B4GALT5: variants seen among roughly 807,000 people sequenced by gnomAD.
B4GALT5 encodes beta-1,4-galactosyltransferase 5.
B4GALT5 carries 11 observed loss-of-function variants against 45.0 expected under a neutral mutation model. The ratio of observed to expected loss-of-function variants is 0.24; its 90% confidence interval spans 0.15 to 0.40. The LOEUF (loss-of-function observed/expected upper bound fraction) is 0.40, where lower values mean the gene tolerates loss of function less well. Ranked by LOEUF, B4GALT5 falls within the 10% of genes least tolerant of loss-of-function variation. B4GALT5 has a pLI of 1.00. For missense variants in B4GALT5, 337 were observed against 500.2 expected (o/e 0.67, Z 3.11); for synonymous variants, 185 against 182.9 (o/e 1.01, Z -0.09).
chr20:49,654,934 C>T (rs6019955), intron 2 of B4GALT5, among the ~76,000 whole-genome samples: 3 of 151,924 alleles, frequency 2.0e-5, no homozygotes, highest in African/African-American at 4.8e-5. Context: ...TGGTGAAAGC[C>T]GTGTCTACAA....
At chr20:49,640,242 C>T (rs1334448382) in intron 6 of B4GALT5, among the ~76,000 whole-genome samples, 1 of 152,148 alleles carries the variant, frequency 6.6e-6, no homozygotes, top group East Asian at 1.9e-4. Context: ...GATACACAAC[C>T]TTTGTGTCTG....
intron 1 of B4GALT5, among the ~76,000 whole-genome samples, chr20:49,699,433 C>G (rs952043847): frequency 3.4e-5 from 5 of 147,022 alleles, no homozygotes. Context: ...ATATAACCAT[C>G]AAGCATCTGA....
At chr20:49,659,862 C>T (rs1188027609) in intron 1 of B4GALT5, among the ~76,000 whole-genome samples, 1 of 151,808 alleles carries the variant, frequency 6.6e-6, no homozygotes, top group Admixed American at 6.6e-5. Flanking sequence ...ACTGCACCTC[C>T]ACCTCCCGGG....
intron 1 of B4GALT5, among the ~76,000 whole-genome samples, chr20:49,695,671 G>A (rs2146357002): frequency 6.6e-6 from 1 of 152,296 alleles, no homozygotes. Context: ...AAAGTGCTAG[G>A]ATTACAGGTG....
At chr20:49,671,964 A>G (rs1044691226) in intron 1 of B4GALT5, among the ~76,000 whole-genome samples, 5 of 152,116 alleles carry the variant, frequency 3.3e-5, no homozygotes, top group Non-Finnish European at 7.4e-5. Flanking sequence ...CCAGACCCTA[A>G]TAATTCCCCT....
At chr20:49,685,924 CAAAA>C (rs199658998) in intron 1 of B4GALT5, among the ~76,000 whole-genome samples, 1 of 120,204 alleles carries the variant, frequency 8.3e-6, no homozygotes. Context: ...GATAAATGTG[CAAAA>C]AAAAAAAAAA....
intron 1 of B4GALT5, among the ~76,000 whole-genome samples, chr20:49,663,997 T>C (rs987878306): frequency 4.6e-5 from 7 of 152,034 alleles, no homozygotes; most frequent in Admixed American, 4.6e-4. Context: ...TCAAAACACA[T>C]ATTCAATGCA....
chr20:49,636,301 A>T lies in B4GALT5; in HGVS notation c.*11T>A. On this transcript the variant is annotated 3_prime_UTR_variant, in exon 9 of 9. Coordinates refer to ENST00000371711, the MANE Select transcript of B4GALT5 (RefSeq NM_004776.4). ...GTGGCGGTGGGTAAAGCAAACGTAC[A>T]TTCTCTCCTCTCAGTACTCGTTCAC... The T allele has an allele frequency of 6.2e-7, 1 of 1,613,658 alleles. No homozygotes were observed. Among genetic ancestry groups the T allele is most frequent in the Non-Finnish European group, 8.5e-7 (1 of 1,179,826 alleles).
chr20:49,670,952 A>G (rs1216949828), intron 1 of B4GALT5, among the ~76,000 whole-genome samples: 4 of 152,232 alleles, frequency 2.6e-5, no homozygotes, highest in Non-Finnish European at 5.9e-5. Flanking sequence ...AGTGCTACTT[A>G]TAAAAGCAAA....
At chr20:49,696,655 G>A (rs1186311696) in intron 1 of B4GALT5, among the ~76,000 whole-genome samples, 2 of 152,158 alleles carry the variant, frequency 1.3e-5, no homozygotes, top group Admixed American at 6.5e-5. Flanking sequence ...TTCCTGAGGT[G>A]CAAAATTTTC....
chr20:49,662,158 T>C (rs780243411), intron 1 of B4GALT5, among the ~76,000 whole-genome samples: 1 of 152,144 alleles, frequency 6.6e-6, no homozygotes, highest in Middle Eastern at 3.2e-3. Flanking sequence ...TCCTTAATGT[T>C]TGCTGTGGTT....
chr20:49,713,466 A>T, intron 1 of B4GALT5, 110 bp downstream of exon 1: 3 of 1,110,950 alleles, frequency 2.7e-6, no homozygotes, highest in African/African-American at 3.3e-5. Context: ...TCTTCGGAGG[A>T]CCAGGCTCAG....
chr20:49,704,556 A>C (rs2085876156), intron 1 of B4GALT5, among the ~76,000 whole-genome samples: 1 of 151,618 alleles, frequency 6.6e-6, no homozygotes, highest in East Asian at 1.9e-4. Flanking sequence ...CGTCTCTACT[A>C]AAAATACAAA....
At chr20:49,709,711 G>C (rs2085899746) in intron 1 of B4GALT5, among the ~76,000 whole-genome samples, 1 of 151,596 alleles carries the variant, frequency 6.6e-6, no homozygotes, top group African/African-American at 2.4e-5. Context: ...AGAGGTTGCA[G>C]TGAGCTGAGA....
intron 1 of B4GALT5, among the ~76,000 whole-genome samples, chr20:49,701,664 A>C (rs1178087674): frequency 6.6e-6 from 1 of 151,770 alleles, no homozygotes; most frequent in African/African-American, 2.4e-5. Context: ...AAAAACAAAC[A>C]AAAAAAACAC....
At chr20:49,686,834 G>GGCT (rs971876302) in intron 1 of B4GALT5, among the ~76,000 whole-genome samples, 5 of 150,738 alleles carry the variant, frequency 3.3e-5, no homozygotes, top group African/African-American at 1.2e-4. Flanking sequence ...AGAAGTTCGA[G>GGCT]GCTGCAATGA....
At chr20:49,637,236 G>A (rs2085557936) in intron 8 of B4GALT5, 105 bp downstream of exon 8, 1 of 964,784 alleles carries the variant, frequency 1.0e-6, no homozygotes, top group East Asian at 2.4e-5. Flanking sequence ...GTCAGAACAG[G>A]GCCTCGGGGT....
intron 1 of B4GALT5, among the ~76,000 whole-genome samples, chr20:49,698,513 A>G (rs868826614): frequency 6.6e-6 from 1 of 152,178 alleles, no homozygotes; most frequent in South Asian, 2.1e-4. Context: ...AATACTTTAA[A>G]CCAGAATGAA....
chr20:49,682,963 G>A (rs879766391), intron 1 of B4GALT5, among the ~76,000 whole-genome samples: 1 of 151,996 alleles, frequency 6.6e-6, no homozygotes, highest in Non-Finnish European at 1.5e-5. Context: ...GCATGGTGGT[G>A]TGCACCTGTA....
Sources: gnomAD v4.1 joint callset for allele counts (sites outside exome capture counted in the v4.1 genomes callset) on GRCh38, gnomAD v4.1.1 for gene constraint, MANE v1.5 for transcripts, NCBI Gene and HGNC (gene_info 2026-07-23, HGNC 2026-07-21) for gene names.